The following SMYD3 variants were observed in gnomAD, a reference collection of about 807,000 sequenced individuals.
SMYD3 encodes histone-lysine N-methyltransferase SMYD3.
Under a neutral mutation model 57.7 loss-of-function variants are expected in SMYD3, and 36 were observed. The observed-to-expected ratio is 0.62, with a 90% CI of 0.48 to 0.82. The LOEUF is 0.82. Among genes scored for constraint, SMYD3 ranks in the 40% least tolerant of loss-of-function variants. The pLI, the probability that SMYD3 is intolerant of heterozygous loss-of-function variation, is 0.00. For missense variants in SMYD3, 515 were observed against 538.8 expected, an observed-to-expected ratio of 0.96 and a Z score of 0.44; for synonymous variants, 211 against 195.0, an observed-to-expected ratio of 1.08 and a Z score of -0.68.
At chr1:246,380,031 G>T (rs533543504) in intron 1 of SMYD3, among the ~76,000 whole-genome samples, 1 of 141,732 alleles carries the variant, frequency 7.1e-6, no homozygotes, top group Non-Finnish European at 1.5e-5. Flanking sequence ...AAGAAAGAAA[G>T]AAAAAAAAAA....
rs552611042 is a variant in SMYD3 at position 245,806,858 on chromosome 1, C to T, written c.1077-42709G>A. Among the ~76,000 whole-genome samples, 27 of 132,506 alleles carry T rather than the reference C, an allele frequency of 2.0e-4. No individual in the cohort carries two copies. In the East Asian group the frequency reaches 4.4e-3, roughly 22 times the overall value. The allele number at this position is 132,506 out of a possible 152,430, so 86.9% of individuals were successfully genotyped here. ...CCGGGAGGCGGAGCTTGCAGTGAGC[C>T]GAGATCGCGCCACTGCAGTCCGCAA... On this transcript the variant is annotated intron_variant, in intron 10 of 11. Transcript: ENST00000490107.
intron 11 of SMYD3, among the ~76,000 whole-genome samples, chr1:245,750,864 G>C (rs2045318823): frequency 6.6e-6 from 1 of 152,104 alleles, no homozygotes. Flanking sequence ...TGGCACTGAG[G>C]CTCTCAGCCT....
chr1:246,009,061 G>A (rs1184608050), intron 5 of SMYD3, among the ~76,000 whole-genome samples: 1 of 152,122 alleles, frequency 6.6e-6, no homozygotes, highest in Non-Finnish European at 1.5e-5. Context: ...GCTATGAAAC[G>A]ACTGGCCCAT....
At chr1:246,442,644 A>G (rs1168803817) in intron 1 of SMYD3, among the ~76,000 whole-genome samples, 2 of 152,200 alleles carry the variant, frequency 1.3e-5, no homozygotes, top group South Asian at 4.1e-4. Context: ...ATCTAATGAT[A>G]AAGAAATATA....
intron 5 of SMYD3, among the ~76,000 whole-genome samples, chr1:246,013,298 GC>G (rs776402569): frequency 3.9e-5 from 6 of 152,128 alleles, no homozygotes; most frequent in Non-Finnish European, 8.8e-5. Context: ...TAGTGCCCCA[GC>G]CTCCCGAGTA....
chr1:246,311,457 A>G (rs1450447872), intron 5 of SMYD3, among the ~76,000 whole-genome samples: 2 of 152,254 alleles, frequency 1.3e-5, no homozygotes, highest in African/African-American at 4.8e-5. Flanking sequence ...ATGTCATCAC[A>G]TCCTTGTAAT....
At chr1:246,187,966 T>C (rs1304843313) in intron 5 of SMYD3, among the ~76,000 whole-genome samples, 1 of 152,018 alleles carries the variant, frequency 6.6e-6, no homozygotes, top group Non-Finnish European at 1.5e-5. Flanking sequence ...CTGAGGGCCG[T>C]CTTGATAAAA....
intron 5 of SMYD3, among the ~76,000 whole-genome samples, chr1:246,006,553 T>C (rs2059173059): frequency 6.9e-6 from 1 of 145,204 alleles, no homozygotes; most frequent in South Asian, 2.2e-4. Flanking sequence ...AGCCCCTGTA[T>C]AATTCTGACT....
intron 5 of SMYD3, among the ~76,000 whole-genome samples, chr1:246,103,196 T>C (rs1209798261): frequency 6.6e-6 from 1 of 152,182 alleles, no homozygotes; most frequent in Non-Finnish European, 1.5e-5. Flanking sequence ...AAACTGTCAG[T>C]CAAGATTCTA....
chr1:246,401,505 G>A (rs959092783), intron 1 of SMYD3, among the ~76,000 whole-genome samples: 2 of 151,724 alleles, frequency 1.3e-5, no homozygotes, highest in Non-Finnish European at 1.5e-5. Context: ...GCTAATTTTT[G>A]TATTTTTAGT....
At chr1:246,205,547 C>T (rs777079699) in intron 5 of SMYD3, among the ~76,000 whole-genome samples, 21 of 152,180 alleles carry the variant, frequency 1.4e-4, no homozygotes, top group Non-Finnish European at 2.4e-4. Flanking sequence ...TCCGGCCCAG[C>T]GTGGTGGCTC....
chr1:245,893,096 G>A (rs2095960), intron 8 of SMYD3, among the ~76,000 whole-genome samples: 151,995 of 152,382 alleles, frequency 1, 75,809 homozygotes, highest in Middle Eastern at 1. Context: ...ATGTACATGT[G>A]GCACACAAAC....
intron 8 of SMYD3, among the ~76,000 whole-genome samples, chr1:245,875,381 C>T (rs2052429240): frequency 6.6e-6 from 1 of 152,192 alleles, no homozygotes; most frequent in Admixed American, 6.5e-5. Context: ...TCAGAACATG[C>T]TGGAAATTGT....
chr1:246,190,343 C>T (rs906525766), intron 5 of SMYD3, among the ~76,000 whole-genome samples: 4 of 152,092 alleles, frequency 2.6e-5, no homozygotes, highest in Non-Finnish European at 5.9e-5. Flanking sequence ...TCCCAACACT[C>T]TGGGAGGCCA....
At chr1:245,843,147 C>T (rs1186852232) in intron 10 of SMYD3, among the ~76,000 whole-genome samples, 2 of 152,158 alleles carry the variant, frequency 1.3e-5, no homozygotes, top group Non-Finnish European at 2.9e-5. Flanking sequence ...TTAATACTCT[C>T]CCACTCATGA....
At chr1:246,286,400 C>A (rs990992455) in intron 5 of SMYD3, among the ~76,000 whole-genome samples, 1 of 152,100 alleles carries the variant, frequency 6.6e-6, no homozygotes, top group Non-Finnish European at 1.5e-5. Flanking sequence ...CTCTTAAAAA[C>A]AAATATTTTC....
chr1:246,300,296 C>T (rs1414637895), intron 5 of SMYD3, among the ~76,000 whole-genome samples: 1 of 152,050 alleles, frequency 6.6e-6, no homozygotes, highest in East Asian at 1.9e-4. Flanking sequence ...AATGTATTAG[C>T]ACAGTTGAAA....
At chr1:245,863,330 C>G (rs2051655969) in intron 9 of SMYD3, among the ~76,000 whole-genome samples, 1 of 152,172 alleles carries the variant, frequency 6.6e-6, no homozygotes, top group South Asian at 2.1e-4. Context: ...GTGGTCATTA[C>G]TATTCATGCT....
intron 5 of SMYD3, among the ~76,000 whole-genome samples, chr1:246,117,860 A>G (rs545361999): frequency 1.1e-4 from 16 of 152,164 alleles, no homozygotes; most frequent in Non-Finnish European, 1.5e-4. Context: ...GAATAACATT[A>G]TTTCTTTGCA....
Sources: allele counts gnomAD v4.1 joint callset (sites outside exome capture counted in the v4.1 genomes callset), GRCh38; gene constraint gnomAD v4.1.1; transcripts MANE v1.5; gene names NCBI Gene and HGNC (gene_info 2026-07-23, HGNC 2026-07-21).